Variants in CKAP2L observed in about 807,000 individuals in gnomAD.
CKAP2L encodes cytoskeleton associated protein 2L, also known as cytoskeleton-associated protein 2-like.
In CKAP2L, 42 loss-of-function variants were observed where a neutral mutation model predicts 65.7. That is an observed-to-expected ratio of 0.64 (90% CI 0.50 to 0.83). The LOEUF (loss-of-function observed/expected upper bound fraction) is 0.83. Among genes scored for constraint, CKAP2L ranks in the 40% least tolerant of loss-of-function variants. The pLI, the probability that CKAP2L is intolerant of heterozygous loss-of-function variation, is 0.00. For missense variants in CKAP2L, 908 were observed against 871.0 expected (o/e 1.04, Z -0.53); for synonymous variants, 325 against 313.5 (o/e 1.04, Z -0.39).
chr2:112,747,417 C>T (rs1009620950), intron 5 of CKAP2L, among the ~76,000 whole-genome samples: 1 of 152,124 alleles, frequency 6.6e-6, no homozygotes, highest in African/African-American at 2.4e-5. Flanking sequence ...ATAACGAGAA[C>T]ACTGAGTAGT....
At chr2:112,749,422 T>C (rs1398077507) in intron 5 of CKAP2L, among the ~76,000 whole-genome samples, 1 of 152,252 alleles carries the variant, frequency 6.6e-6, no homozygotes, top group African/African-American at 2.4e-5. Flanking sequence ...GACTTTGGCA[T>C]ATTTCTTTCA....
At chr2:112,753,181 T>C (rs757101003) in intron 4 of CKAP2L, among the ~76,000 whole-genome samples, 10 of 152,208 alleles carry the variant, frequency 6.6e-5, no homozygotes, top group Non-Finnish European at 1.2e-4. Context: ...CAAGTGTACA[T>C]TTCAGTCCAG....
In CKAP2L at chr2:112,745,217, T is replaced by C. The variant is rs1269465019; in HGVS notation, c.1758+1203A>G. On this transcript the variant is annotated intron_variant, in intron 6 of 8. Coordinates refer to ENST00000302450, the MANE Select transcript of CKAP2L (RefSeq NM_152515.5). ...TAGAATATCTGATGTTTTCAAAGTA[T>C]TGAGGAACTTAGACAATTAGCGAAG... 2.0e-5 allele frequency among the ~76,000 whole-genome samples: 3 copies of C among 152,276 alleles called. 1 individual carries two copies. The highest frequency in any genetic ancestry group is 4.1e-4 in the South Asian group (2 of 4,828).
chr2:112,746,453 C>T lies in CKAP2L; in HGVS notation c.1725G>A (p.Gly575=). 1.2e-6 allele frequency: 2 copies of T among 1,612,888 alleles called. No homozygotes were observed. Among genetic ancestry groups the T allele is most frequent in the East Asian group, 2.2e-5 (1 of 44,820 alleles). The part of the protein sequence containing the change: ...LASKGTFDVI[G]LYEEAIKNGA... ...CATTTTTAATGGCCTCTTCATATAG[C>T]CCAATAACATCAAAGGTGCCTTTAC... Residue 575 remains glycine, a synonymous_variant, in exon 6 of 9, where the codon GGG becomes GGA. Transcript: ENST00000302450.
At position 112,756,496 on chromosome 2, in the gene CKAP2L, G is replaced by A; in HGVS notation, c.875C>T (p.Ser292Leu). 3 of 1,609,070 alleles carry A rather than the reference G, an allele frequency of 1.9e-6. No homozygotes were observed. The highest frequency in any genetic ancestry group is 1.7e-5 in the Admixed American group (1 of 58,938). Residue 292 changes from serine (S) to leucine (L), a missense_variant, in exon 4 of 9, where the codon TCA becomes TTA. Coordinates refer to ENST00000302450, the MANE Select transcript of CKAP2L (RefSeq NM_152515.5). ...GATGTTCTTGACTACTGGTTTCTTT[G>A]ATGACTGAACTTTACTAAGGGTCCG... ...FIRTLSKVQS[S>L]KKPVVKNIKD...
chr2:112,750,595 A>G (rs1680343027), intron 5 of CKAP2L, among the ~76,000 whole-genome samples: 2 of 152,284 alleles, frequency 1.3e-5, no homozygotes, highest in Admixed American at 6.5e-5. Flanking sequence ...CTAATAAACT[A>G]CTTTCACATG....
chr2:112,760,663 C>T, intron 3 of CKAP2L, 50 bp downstream of exon 3: 2 of 873,754 alleles, frequency 2.3e-6, no homozygotes, highest in Non-Finnish European at 3.7e-6. Flanking sequence ...ATTTTTATTA[C>T]TAATCATACT....
intron 6 of CKAP2L, among the ~76,000 whole-genome samples, chr2:112,744,898 C>G (rs977461864): frequency 4.6e-5 from 7 of 151,736 alleles, no homozygotes; most frequent in African/African-American, 1.7e-4. Flanking sequence ...CTGTGTAAAG[C>G]CTTTAAAGAA....
Position 112,757,175 on chromosome 2 carries a change from AAAC to A in CKAP2L, c.193_195del (p.Val65del), listed in dbSNP as rs1321354894. Reference sequence around the variant, plus strand: ...ATGGACCTTTTAGGTTTGACAGGCAAAACAACATGGTTGGTAACATCATTTTTG... The same window carrying A: ...ATGGACCTTTTAGGTTTGACAGGCAAAACATGGTTGGTAACATCATTTTTG... On this transcript the variant is annotated inframe_deletion, in exon 4 of 9. Coordinates refer to ENST00000302450, the MANE Select transcript of CKAP2L (RefSeq NM_152515.5). 1.2e-6 allele frequency: 2 copies of A among 1,613,014 alleles called. No homozygotes were observed. Among genetic ancestry groups the A allele is most frequent in the Non-Finnish European group, 1.7e-6 (2 of 1,179,394 alleles).
intron 1 of CKAP2L, chr2:112,763,947 G>A (rs1052553992): frequency 6.5e-6 from 1 of 152,774 alleles, no homozygotes; most frequent in Non-Finnish European, 1.5e-5. Flanking sequence ...AGGAATAATG[G>A]ATGAAACAAA....
At chr2:112,763,421 C>T (rs1014429926) in intron 1 of CKAP2L, among the ~76,000 whole-genome samples, 2 of 151,974 alleles carry the variant, frequency 1.3e-5, no homozygotes, top group East Asian at 1.9e-4. Flanking sequence ...GGTCTGCTCA[C>T]GGCAGACACC....
rs1574316690 is a variant in CKAP2L, at chr2:112,740,680, C to T, written c.2012+138G>A. Reference sequence around the variant, plus strand: ...ACCATAGGACGGGGGTGAATGCATTCTAATACCCCTCCTGACTCTGGCAGC... The same window carrying T: ...ACCATAGGACGGGGGTGAATGCATTTTAATACCCCTCCTGACTCTGGCAGC... On this transcript the variant is annotated intron_variant, in intron 8 of 8. Transcript: ENST00000302450. The T allele has an allele frequency of 1.3e-5, 9 of 681,296 alleles. No homozygotes were observed. In the East Asian group the frequency reaches 2.0e-4, roughly 15 times the overall value. The allele number at this position is 681,296 out of a possible 1,614,324, so 42.2% of individuals were successfully genotyped here. A position where few individuals can be genotyped will look rare whatever the true frequency, so the allele number is the denominator to read the frequency against.
At chr2:112,754,386 C>A (rs1359227940) in intron 4 of CKAP2L, among the ~76,000 whole-genome samples, 1 of 152,188 alleles carries the variant, frequency 6.6e-6, no homozygotes, top group Non-Finnish European at 1.5e-5. Context: ...TCACTCCAAC[C>A]ACCTACTTGA....
chr2:112,751,009 G>A (rs1167928545), intron 5 of CKAP2L, among the ~76,000 whole-genome samples: 2 of 151,968 alleles, frequency 1.3e-5, no homozygotes, highest in Non-Finnish European at 2.9e-5. Flanking sequence ...CCTTTAAAAA[G>A]TCACAAAATT....
chr2:112,753,873 G>C (rs1342254928), intron 4 of CKAP2L, among the ~76,000 whole-genome samples: 1 of 152,026 alleles, frequency 6.6e-6, no homozygotes, highest in Non-Finnish European at 1.5e-5. Context: ...TTAAGGTCTT[G>C]CATCTTCAGT....
At position 112,750,460 on chromosome 2, in the gene CKAP2L, T is replaced by C. The variant is rs188566119; in HGVS notation, c.1602+1807A>G. 5.3e-5 allele frequency among the ~76,000 whole-genome samples: 8 copies of C among 152,294 alleles called. No homozygotes were observed. In the East Asian group the frequency reaches 1.5e-3, roughly 29 times the overall value. On this transcript the variant is annotated intron_variant, in intron 5 of 8. Transcript: ENST00000302450. Reference sequence around the variant, plus strand: ...CCCTTGCCTCTGATCAGGATGACTCTGAGAGATGTGACCTACACTGTCTCC... The same window carrying C: ...CCCTTGCCTCTGATCAGGATGACTCCGAGAGATGTGACCTACACTGTCTCC...
At chr2:112,762,197 T>C (rs72952128) in intron 2 of CKAP2L, among the ~76,000 whole-genome samples, 2,461 of 152,074 alleles carry the variant, frequency 0.016, 60 homozygotes, top group African/African-American at 0.057. Context: ...TTCATGAGAA[T>C]CAACTTCCCC....
chr2:112,758,095 A>G (rs923115096), intron 3 of CKAP2L, among the ~76,000 whole-genome samples: 1 of 152,250 alleles, frequency 6.6e-6, no homozygotes, highest in African/African-American at 2.4e-5. Context: ...GTAACATCTT[A>G]ATAGTCATAT....
intron 2 of CKAP2L, among the ~76,000 whole-genome samples, chr2:112,762,269 C>T (rs530977322): frequency 6.6e-6 from 1 of 152,336 alleles, no homozygotes; most frequent in Admixed American, 6.5e-5. Flanking sequence ...GACCCTTCTT[C>T]CCTCCTTCCT....
Sources: gnomAD v4.1 joint callset for allele counts (sites outside exome capture counted in the v4.1 genomes callset) on GRCh38, gnomAD v4.1.1 for gene constraint, MANE v1.5 for transcripts, NCBI Gene and HGNC (gene_info 2026-07-23, HGNC 2026-07-21) for gene names.